The following TM4SF4 variants were observed in gnomAD, a reference collection of about 807,000 sequenced individuals.
The protein encoded by TM4SF4 is transmembrane 4 L six family member 4.
In TM4SF4, 24 loss-of-function variants were observed where a neutral mutation model predicts 24.1. The observed-to-expected ratio is 1.00, with a 90% CI of 0.72 to 1.40. The LOEUF is 1.40. TM4SF4 is among the 40% of genes most tolerant of loss of function. The pLI, the probability that TM4SF4 is intolerant of heterozygous loss-of-function variation, is 0.00. For synonymous variants in TM4SF4, 113 were observed against 97.0 expected (o/e 1.17, Z -0.97); for missense variants, 254 against 254.2 (o/e 1.00, Z 0.01).
At chr3:149,491,285 C>T (rs1468927313) in intron 3 of TM4SF4, among the ~76,000 whole-genome samples, 2 of 48,906 alleles carry the variant, frequency 4.1e-5, no homozygotes, top group African/African-American at 7.7e-5. Context: ...CCTGCTCCAG[C>T]GCCCCTCTAC....
At chr3:149,482,366 G>A (rs529573922) in intron 2 of TM4SF4, among the ~76,000 whole-genome samples, 78 of 152,228 alleles carry the variant, frequency 5.1e-4, no homozygotes, top group African/African-American at 1.8e-3. Context: ...CACAAAAACC[G>A]CAAAGGAAGA....
chr3:149,494,225 G>A (rs1412850731), intron 3 of TM4SF4, among the ~76,000 whole-genome samples: 2 of 152,198 alleles, frequency 1.3e-5, no homozygotes, highest in Non-Finnish European at 2.9e-5. Context: ...TTTGAAGGGA[G>A]AGAAGAAGGG....
At chr3:149,487,059 G>T (rs1734128752) in intron 2 of TM4SF4, among the ~76,000 whole-genome samples, 1 of 152,154 alleles carries the variant, frequency 6.6e-6, no homozygotes, top group South Asian at 2.1e-4. Context: ...TTCAAGACCA[G>T]CCTAGCCAAC....
chr3:149,497,563 A>T (rs1203866340), intron 3 of TM4SF4, among the ~76,000 whole-genome samples: 2 of 152,248 alleles, frequency 1.3e-5, no homozygotes, highest in African/African-American at 4.8e-5. Context: ...AAAGAGTCAT[A>T]ATATTCCACA....
intron 2 of TM4SF4, among the ~76,000 whole-genome samples, chr3:149,486,182 T>C (rs1356416650): frequency 6.6e-6 from 1 of 152,190 alleles, no homozygotes; most frequent in African/African-American, 2.4e-5. Context: ...TATGATAATA[T>C]TGTTAATAAC....
intron 3 of TM4SF4, among the ~76,000 whole-genome samples, chr3:149,498,357 T>C (rs1240729860): frequency 6.6e-6 from 1 of 152,352 alleles, no homozygotes; most frequent in South Asian, 2.1e-4. Context: ...ATGGTGAATT[T>C]GCCTGTCTTT....
intron 2 of TM4SF4, among the ~76,000 whole-genome samples, chr3:149,476,814 G>GTTTTTTTTTTTTTTTTTTTTT (rs67092416): frequency 2.5e-5 from 2 of 81,212 alleles, no homozygotes; most frequent in East Asian, 2.8e-4. Context: ...TTTTGTTTTT[G>GTTTTTTTTTTTTTTTTTTTTT]TTTTTTTTTT....
chr3:149,475,852 C>G lies in TM4SF4; in HGVS notation c.204C>G (p.Gly68=). 6.2e-7 allele frequency: 1 copy of G among 1,612,758 alleles called. No individual in the cohort carries two copies. The highest frequency in any genetic ancestry group is 8.5e-7 in the Non-Finnish European group (1 of 1,179,484). The change falls in exon 2 of 5, where the codon GGC becomes GGG. Residue 68 remains glycine, a synonymous_variant. Transcript: ENST00000305354. ...TCTTCCCTGCGCTGGTGTTCTTGGG[C>G]CTGAAGAACAATGACTGCTGTGGGT... ...LMIFPALVFL[G]LKNNDCCGCC...
In TM4SF4 at chr3:149,475,748, C is replaced by G; in HGVS notation, c.175-75C>G. ...CAAATCCCTCATTGTGGATGGGGCTCCTTATACAGTCAGGCAGGCTCGGGC... is the reference window on the plus strand; with the variant it reads ...CAAATCCCTCATTGTGGATGGGGCTGCTTATACAGTCAGGCAGGCTCGGGC... On this transcript the variant is annotated intron_variant, in intron 1 of 4. Transcript: ENST00000305354. The G allele has an allele frequency of 3.1e-6, 4 of 1,281,360 alleles. No homozygotes were observed. The South Asian group carries it at 3.8e-5, about 12-fold the overall frequency. 79.4% of individuals were successfully genotyped at this position (1,281,360 alleles called of 1,614,324 possible).
At chr3:149,500,344 A>C (rs1221693291) in intron 4 of TM4SF4, among the ~76,000 whole-genome samples, 1 of 152,004 alleles carries the variant, frequency 6.6e-6, no homozygotes, top group African/African-American at 2.4e-5. Context: ...TCTAGCCTAT[A>C]GTATTAAAAA....
chr3:149,502,960 A>G lies in TM4SF4; in HGVS notation c.*267A>G. On this transcript the variant is annotated 3_prime_UTR_variant, in exon 5 of 5. Transcript: ENST00000305354. ...TAGAATTTACCAACAGGTTCAAAGC[A>G]TACTTTTCATGATTTTTTTATTACA... The G allele has an allele frequency of 2.7e-6, 1 of 376,264 alleles. No individual in the cohort carries two copies. The highest frequency in any genetic ancestry group is 4.7e-6 in the Non-Finnish European group (1 of 211,204). The allele number at this position is 376,264 out of a possible 1,614,324, so 23.3% of individuals were successfully genotyped here.
At chr3:149,491,309 T>TAAAAAAAAAAAAAAA (rs1734206172) in intron 3 of TM4SF4, among the ~76,000 whole-genome samples, 2 of 80,860 alleles carry the variant, frequency 2.5e-5, no homozygotes, top group Non-Finnish European at 6.4e-5. Context: ...AAAAAAAAAT[T>TAAAAAAAAAAAAAAA]AAAAAATTAG....
In TM4SF4 at chr3:149,475,866, A is replaced by G; in HGVS notation, c.218A>G (p.Asp73Gly). The G allele has an allele frequency of 2.5e-6, 4 of 1,613,154 alleles. No individual in the cohort carries two copies. The highest frequency in any genetic ancestry group is 3.4e-6 in the Non-Finnish European group (4 of 1,179,658). The change falls in exon 2 of 5, where the codon GAC becomes GGC. Residue 73 changes from aspartate to glycine, a missense_variant. Coordinates refer to ENST00000305354, the MANE Select transcript of TM4SF4 (RefSeq NM_004617.4). Reference protein sequence around the residue: ...ALVFLGLKNNDCCGCCGNEGC... With the variant: ...ALVFLGLKNNGCCGCCGNEGC... ...GTGTTCTTGGGCCTGAAGAACAATG[A>G]CTGCTGTGGGTGCTGCGGCAACGAG...
intron 3 of TM4SF4, chr3:149,494,918 G>T (rs141032156): frequency 1.4e-3 from 217 of 157,082 alleles, no homozygotes; most frequent in Non-Finnish European, 2.4e-3. Context: ...ATGAGTCATT[G>T]ATGCTCAGGA....
At position 149,487,633 on chromosome 3, in the gene TM4SF4, G is replaced by T; in HGVS notation, c.279G>T (p.Thr93=). 6.2e-7 allele frequency: 1 copy of T among 1,613,948 alleles called. No homozygotes were observed. Among genetic ancestry groups the T allele is most frequent in the Non-Finnish European group, 8.5e-7 (1 of 1,179,870 alleles). ...CGKRFAMFTS[T]IFAVVGFLGA... is the part of the protein sequence containing the mutation. ...CTCTCTTTCAGATGTTCACCTCCAC[G>T]ATATTTGCTGTGGTTGGATTCTTGG... Residue 93 remains threonine, a synonymous_variant, in exon 3 of 5, where the codon ACG becomes ACT. Transcript: ENST00000305354.
chr3:149,501,903 C>A (rs898803026), intron 4 of TM4SF4, among the ~76,000 whole-genome samples: 1 of 152,152 alleles, frequency 6.6e-6, no homozygotes, highest in African/African-American at 2.4e-5. Flanking sequence ...TGCTATGAGA[C>A]CTGGTTTGAA....
At chr3:149,497,013 T>TA (rs1183830809) in intron 3 of TM4SF4, among the ~76,000 whole-genome samples, 1 of 151,958 alleles carries the variant, frequency 6.6e-6, no homozygotes, top group East Asian at 1.9e-4. Context: ...TCTATTTTTT[T>TA]AAAAAAAGAG....
intron 2 of TM4SF4, 37 bp downstream of exon 2, chr3:149,475,949 C>T (rs1733921480): frequency 2.6e-6 from 4 of 1,558,878 alleles, no homozygotes; most frequent in African/African-American, 2.7e-5. Context: ...AGAATTACTC[C>T]AGGGTGCTCT....
intron 3 of TM4SF4, among the ~76,000 whole-genome samples, chr3:149,493,058 T>G (rs928897589): frequency 1.3e-5 from 2 of 152,134 alleles, no homozygotes; most frequent in African/African-American, 2.4e-5. Flanking sequence ...CAGGTAAGAG[T>G]AAATAACACA....
Sources: gnomAD v4.1 joint callset for allele counts (sites outside exome capture counted in the v4.1 genomes callset) on GRCh38, gnomAD v4.1.1 for gene constraint, MANE v1.5 for transcripts, NCBI Gene and HGNC (gene_info 2026-07-23, HGNC 2026-07-21) for gene names.